RASAL1: variants seen among roughly 807,000 people sequenced by gnomAD.
The protein encoded by RASAL1 is rasGAP-activating-like protein 1.
Under a neutral mutation model 96.6 loss-of-function variants are expected in RASAL1, and 72 were observed. That is an observed-to-expected ratio of 0.75 (90% CI 0.62 to 0.91). The LOEUF (loss-of-function observed/expected upper bound fraction) is 0.91. Among genes scored for constraint, RASAL1 ranks in the 40% least tolerant of loss-of-function variants. RASAL1 has a pLI of 0.00. For synonymous variants in RASAL1, 405 were observed against 430.4 expected, an observed-to-expected ratio of 0.94 and a Z score of 0.73; for missense variants, 1,016 against 1,072.5, an observed-to-expected ratio of 0.95 and a Z score of 0.74.
chr12:113,104,304 G>A lies in RASAL1; in HGVS notation c.1831-6C>T, dbSNP rs758954045. The A allele has an allele frequency of 1.1e-5, 17 of 1,556,358 alleles. No individual in the cohort carries two copies. Among genetic ancestry groups the A allele is most frequent in the Admixed American group, 1.9e-5 (1 of 51,678 alleles). On this transcript the variant is annotated splice_polypyrimidine_tract_variant and splice_region_variant and intron_variant, in intron 16 of 20. Coordinates refer to ENST00000548055, the MANE Select transcript of RASAL1 (RefSeq NM_001301202.2). ...ACGGGGATGGAGTGACACATCTGGG[G>A]AAGAGGATTGTCGCTGCAGGATGGG... is the stretch of plus-strand genomic sequence containing the variant.
At chr12:113,107,336 CAT>C in intron 14 of RASAL1, 95 bp from the exon 15 acceptor site, 1 of 1,392,294 alleles carries the variant, frequency 7.2e-7, no homozygotes, top group Non-Finnish European at 9.6e-7. Flanking sequence ...AAAGAAGACT[CAT>C]ATTGCCGGGC....
chr12:113,100,261 G>A (rs1376218529), intron 20 of RASAL1, among the ~76,000 whole-genome samples, 193 bp from the exon 21 acceptor site: 3 of 152,216 alleles, frequency 2.0e-5, no homozygotes, highest in Admixed American at 6.5e-5. Context: ...CAGTGGGGAA[G>A]TGCCTGCGAA....
chr12:113,125,926 G>A (rs1261026973), intron 4 of RASAL1, among the ~76,000 whole-genome samples: 2 of 152,190 alleles, frequency 1.3e-5, no homozygotes, highest in Non-Finnish European at 2.9e-5. Context: ...CATCCCAAAC[G>A]AAGAATGCGG....
chr12:113,109,045 T>G (rs1395594581), intron 13 of RASAL1, among the ~76,000 whole-genome samples: 1,483 of 5,714 alleles, frequency 0.26, 12 homozygotes, highest in African/African-American at 0.42. Context: ...TTGTGTGTGT[T>G]TTTTTTTTTT....
At chr12:113,107,971 G>A in intron 14 of RASAL1, 114 bp downstream of exon 14, 1 of 1,231,050 alleles carries the variant, frequency 8.1e-7, no homozygotes, top group Non-Finnish European at 1.1e-6. Context: ...TTCAGACTTG[G>A]GTTTCTTCGG....
chr12:113,114,052 G>A (rs1257631789), intron 12 of RASAL1, among the ~76,000 whole-genome samples: 4 of 152,226 alleles, frequency 2.6e-5, no homozygotes, highest in Non-Finnish European at 5.9e-5. Flanking sequence ...AGTTAACGGA[G>A]CAGAGGTCAT....
intron 14 of RASAL1, 21 bp downstream of exon 14, chr12:113,108,064 G>A: frequency 6.2e-7 from 1 of 1,603,560 alleles, no homozygotes; most frequent in Non-Finnish European, 8.5e-7. Context: ...ACCTAGGATG[G>A]GGGAAACCCA....
intron 1 of RASAL1, among the ~76,000 whole-genome samples, chr12:113,134,088 A>G (rs1951821057): frequency 6.6e-6 from 1 of 152,078 alleles, no homozygotes. Context: ...TCAATGCCCT[A>G]ACAGTGTAGG....
intron 1 of RASAL1, among the ~76,000 whole-genome samples, chr12:113,132,805 C>T (rs1413287048): frequency 1.3e-5 from 2 of 152,228 alleles, no homozygotes; most frequent in Non-Finnish European, 1.5e-5. Context: ...TCCCTGAACA[C>T]TTTAGACAGA....
In RASAL1 at chr12:113,115,767, C is replaced by T. The variant is rs893770799; in HGVS notation, c.871G>A (p.Ala291Thr). The T allele has an allele frequency of 8.7e-6, 14 of 1,614,062 alleles. No individual in the cohort carries two copies. The Admixed American group carries it at 1.2e-4, about 13-fold the overall frequency. ...CCCAAGGTCAGCTCTTCCAGCAAAG[C>T]CAAGGGGCTAGCAGTGTCCTCCTGG... ...PAEEDTASPL[A>T]LLEELTLGDC... is the part of the protein sequence containing the mutation. The change falls in exon 10 of 21, where the codon GCT becomes ACT. Residue 291 changes from alanine to threonine, a missense_variant. By Grantham distance (58) the Ala-to-Thr change is moderately conservative. Coordinates refer to ENST00000548055, the MANE Select transcript of RASAL1 (RefSeq NM_001301202.2). The surrounding 1 kb of genome is among the most constrained non-coding windows in gnomAD (Gnocchi z 4.1).
At chr12:113,111,485 G>GC (rs1190669005) in intron 13 of RASAL1, among the ~76,000 whole-genome samples, 5 of 152,312 alleles carry the variant, frequency 3.3e-5, no homozygotes, top group Non-Finnish European at 7.4e-5. Flanking sequence ...CTCACAGGCT[G>GC]CGTGTGATGG....
chr12:113,135,784 C>A (rs984339282), upstream of RASAL1: 9 of 263,814 alleles, frequency 3.4e-5, no homozygotes, highest in Non-Finnish European at 6.6e-5. The surrounding 1 kb of genome is among the most constrained non-coding windows in gnomAD (Gnocchi z 5.7). Context: ...GGAGGGGCGG[C>A]CCAGGGACCT....
chr12:113,105,125 A>T (rs1024325440), intron 16 of RASAL1, among the ~76,000 whole-genome samples: 2 of 152,218 alleles, frequency 1.3e-5, no homozygotes, highest in African/African-American at 2.4e-5. Context: ...AGCCGTCATC[A>T]TCTACTGGTG....
rs544328213 is a variant in RASAL1, at chr12:113,115,615, G to C, written c.1003+20C>G. 10 of 1,610,842 alleles carry C rather than the reference G, an allele frequency of 6.2e-6. No individual in the cohort carries two copies. The highest frequency in any genetic ancestry group is 7.6e-6 in the Non-Finnish European group (9 of 1,179,018). Reference sequence around the variant, plus strand: ...CCACCATTGAGGGCGGTGATGTCGGGGGTTGTGCGGGCAACTCACTGGTCC... The same window carrying C: ...CCACCATTGAGGGCGGTGATGTCGGCGGTTGTGCGGGCAACTCACTGGTCC... On this transcript the variant is annotated intron_variant, in intron 10 of 20. Coordinates refer to ENST00000548055, the MANE Select transcript of RASAL1 (RefSeq NM_001301202.2). The surrounding 1 kb of genome is among the most constrained non-coding windows in gnomAD (Gnocchi z 4.1).
At chr12:113,131,659 C>T (rs1039859824) in intron 1 of RASAL1, among the ~76,000 whole-genome samples, 1 of 152,198 alleles carries the variant, frequency 6.6e-6, no homozygotes, top group African/African-American at 2.4e-5. Flanking sequence ...TTCAGGCCAG[C>T]TGCATCCCCC....
chr12:113,107,347 G>A, intron 14 of RASAL1, 106 bp from the exon 15 acceptor site: 2 of 1,317,526 alleles, frequency 1.5e-6, no homozygotes, highest in Non-Finnish European at 2.0e-6. Context: ...ATATTGCCGG[G>A]CACAGTGGCT....
chr12:113,112,130 G>A lies in RASAL1; in HGVS notation c.1330C>T (p.Leu444=). ...PPAMRLAFKQ[L]HRRVEERFPQ... ...AAGCGCTCCTCCACTCGCCGGTGCA[G>A]CTGCTTGAAGGCGAGGCGCATGGCG... The change falls in exon 13 of 21, where the codon CTG becomes TTG. Residue 444 remains leucine (L), a synonymous_variant. Transcript: ENST00000548055. 8.0e-7 allele frequency: 1 copy of A among 1,249,864 alleles called. No homozygotes were observed. The highest frequency in any genetic ancestry group is 1.0e-6 in the Non-Finnish European group (1 of 991,046). The allele number at this position is 1,249,864 out of a possible 1,614,324, so 77.4% of individuals were successfully genotyped here.
At chr12:113,117,200 G>GCCTGC (rs773125955) in intron 7 of RASAL1, 39 bp from the exon 8 acceptor site, 46 of 1,467,600 alleles carry the variant, frequency 3.1e-5, no homozygotes, top group Non-Finnish European at 3.9e-5. Flanking sequence ...CCGGGCCCTG[G>GCCTGC]CCTGCCCTGC....
chr12:113,103,935 T>C lies in RASAL1; in HGVS notation c.2104+11A>G. The C allele has an allele frequency of 6.4e-7, 1 of 1,550,484 alleles. No individual in the cohort carries two copies. The highest frequency in any genetic ancestry group is 1.7e-4 in the Middle Eastern group (1 of 5,982). ...GGAGGGCGGAGCCTGCAGTCCGCCC[T>C]GCCCCCTCACCTGAGCGCTCAGCCT... On this transcript the variant is annotated intron_variant, in intron 18 of 20. Coordinates refer to ENST00000548055, the MANE Select transcript of RASAL1 (RefSeq NM_001301202.2).
Sources: allele counts gnomAD v4.1 joint callset (sites outside exome capture counted in the v4.1 genomes callset), GRCh38; gene constraint gnomAD v4.1.1; non-coding constraint Gnocchi (gnomAD v3.1); transcripts MANE v1.5; gene names NCBI Gene and HGNC (gene_info 2026-07-23, HGNC 2026-07-21).